Variants in TRAIP observed in about 807,000 individuals in gnomAD.
TRAIP encodes the protein TRAF interacting protein, also known as E3 ubiquitin-protein ligase TRAIP.
A neutral mutation model predicts 65.0 loss-of-function variants in TRAIP; 37 were observed. The observed-to-expected ratio is 0.57, with a 90% confidence interval of 0.44 to 0.75. TRAIP has a LOEUF of 0.75. TRAIP is among the 30% of genes least tolerant of loss of function. TRAIP has a pLI of 0.00. For missense variants in TRAIP, 481 were observed against 579.4 expected, an observed-to-expected ratio of 0.83 and a Z score of 1.74; for synonymous variants, 187 against 219.1, an observed-to-expected ratio of 0.85 and a Z score of 1.29.
rs2081968375 is a variant in TRAIP at position 49,856,261 on chromosome 3, T to G, written c.98+95A>C. 2.8e-6 allele frequency: 3 copies of G among 1,081,396 alleles called. No individual in the cohort carries two copies. In the South Asian group the frequency reaches 4.3e-5, roughly 16 times the overall value. The allele number at this position is 1,081,396 out of a possible 1,614,324, so 67.0% of individuals were successfully genotyped here. On this transcript the variant is annotated intron_variant, in intron 1 of 14. Coordinates refer to ENST00000331456, the MANE Select transcript of TRAIP (RefSeq NM_005879.3). ...AGGAGGAAGGTTCTCATCACTTGTC[T>G]GGATTCCGGGGTTGGACCGCCTGGA...
rs369216401 is a variant in TRAIP, at chr3:49,832,038, G to A, written c.915C>T (p.Leu305=). The A allele has an allele frequency of 6.2e-7, 1 of 1,600,720 alleles. No homozygotes were observed. Among genetic ancestry groups the A allele is most frequent in the Non-Finnish European group, 8.5e-7 (1 of 1,173,446 alleles). Residue 305 remains leucine (L), a synonymous_variant, in exon 11 of 15, where the codon CTC becomes CTT. Coordinates refer to ENST00000331456, the MANE Select transcript of TRAIP (RefSeq NM_005879.3). ...SPAPVEVNLK[L]RRPSFRDDID... ...TATCATCACGGAAGGATGGCCGGCGGAGCTTCAGATTCACCTCCACAGGGG... is the reference window on the plus strand; with the variant it reads ...TATCATCACGGAAGGATGGCCGGCGAAGCTTCAGATTCACCTCCACAGGGG...
chr3:49,840,567 C>T, intron 8 of TRAIP, 194 bp from the exon 9 acceptor site: 1 of 586,242 alleles, frequency 1.7e-6, no homozygotes, highest in Non-Finnish European at 3.0e-6. Context: ...AGGCTGCTTC[C>T]TACATCCTGC....
Position 49,856,505 on chromosome 3 carries a change from G to C in TRAIP, c.-52C>G. 6.5e-7 allele frequency: 1 copy of C among 1,536,756 alleles called. No homozygotes were observed. Among genetic ancestry groups the C allele is most frequent in the Non-Finnish European group, 8.9e-7 (1 of 1,124,224 alleles). On this transcript the variant is annotated 5_prime_UTR_variant, in exon 1 of 15. Transcript: ENST00000331456. Reference sequence around the variant, plus strand: ...AGCCAAAGAAACTGCTACAGGTCCGGCTTCGTAGACGCGCCCCCGCGCCTC... The same window carrying C: ...AGCCAAAGAAACTGCTACAGGTCCGCCTTCGTAGACGCGCCCCCGCGCCTC...
intron 10 of TRAIP, among the ~76,000 whole-genome samples, 196 bp from the exon 11 acceptor site, chr3:49,832,264 G>T (rs1458834568): frequency 6.6e-6 from 1 of 152,086 alleles, no homozygotes; most frequent in Non-Finnish European, 1.5e-5. Flanking sequence ...AGGCCAAGGC[G>T]GGTGGATCAA....
rs1575387564 is a variant in TRAIP, at chr3:49,829,032, A to C, written c.*71T>G. 1 of 1,607,764 alleles carries C rather than the reference A, an allele frequency of 6.2e-7. No homozygotes were observed. Among genetic ancestry groups the C allele is most frequent in the African/African-American group, 1.3e-5 (1 of 74,696 alleles). On this transcript the variant is annotated 3_prime_UTR_variant, in exon 15 of 15. Coordinates refer to ENST00000331456, the MANE Select transcript of TRAIP (RefSeq NM_005879.3). ...CCGAAAGTGGGGCTCTGTCCACAAA[A>C]CCCCTGCCTGGACAGTCCTTGACCT...
intron 5 of TRAIP, chr3:49,843,382 C>T: frequency 6.2e-6 from 1 of 161,828 alleles, no homozygotes; most frequent in Non-Finnish European, 1.4e-5. Flanking sequence ...AAGGCCCTTG[C>T]TCCTCCCTAG....
Position 49,843,859 on chromosome 3 carries a change from GT to G in TRAIP, c.349del (p.Thr117LeufsTer19). 6.2e-7 allele frequency: 1 copy of G among 1,613,986 alleles called. No homozygotes were observed. Among genetic ancestry groups the G allele is most frequent in the Middle Eastern group, 1.7e-4 (1 of 6,060 alleles). On this transcript the variant is annotated frameshift_variant, in exon 5 of 15. Coordinates refer to ENST00000331456, the MANE Select transcript of TRAIP (RefSeq NM_005879.3). LOFTEE classifies it high-confidence loss of function. Reference protein sequence around the residue: ...LRDTLEERNATVVSLQQALGK... With the variant: ...LRDTLEERNAXVVSLQQALGK... ...CAAGGCCTGCTGCAGAGATACCACAGTAGCATTGCGTTCTTCCAGCGTATCC... is the reference window on the plus strand; with the variant it reads ...CAAGGCCTGCTGCAGAGATACCACAGAGCATTGCGTTCTTCCAGCGTATCC...
At chr3:49,854,514 T>A (rs1377591128) in intron 1 of TRAIP, among the ~76,000 whole-genome samples, 1 of 152,050 alleles carries the variant, frequency 6.6e-6, no homozygotes, top group Non-Finnish European at 1.5e-5. Flanking sequence ...TAACCACTTA[T>A]AAATGGAAAT....
At chr3:49,845,938 A>C (rs1219078374) in intron 3 of TRAIP, among the ~76,000 whole-genome samples, 1 of 152,204 alleles carries the variant, frequency 6.6e-6, no homozygotes, top group Non-Finnish European at 1.5e-5. Flanking sequence ...GAGCCAAATG[A>C]ACTCTGATCT....
At chr3:49,844,014 A>AC in intron 4 of TRAIP, 86 bp from the exon 5 acceptor site, 1 of 1,515,110 alleles carries the variant, frequency 6.6e-7, no homozygotes, top group Non-Finnish European at 8.9e-7. Flanking sequence ...TCAGTGCCTC[A>AC]TCCCTTAGGC....
intron 3 of TRAIP, 102 bp downstream of exon 3, chr3:49,847,423 A>ACGCT: frequency 1.9e-6 from 1 of 531,848 alleles, no homozygotes; most frequent in Non-Finnish European, 3.4e-6. Flanking sequence ...AAGAGAAAAG[A>ACGCT]GAAGAGAAGA....
chr3:49,832,084 A>T lies in TRAIP; in HGVS notation c.885-16T>A. The stretch of plus-strand genomic sequence containing the variant: ...AGGGGCTGGGCTGAAGGCAGAGATG[A>T]CCTGGTTACTTGGGGCCACAGTGGT... On this transcript the variant is annotated splice_polypyrimidine_tract_variant and intron_variant, in intron 10 of 14. Coordinates refer to ENST00000331456, the MANE Select transcript of TRAIP (RefSeq NM_005879.3). The T allele has an allele frequency of 1.3e-6, 2 of 1,564,938 alleles. No homozygotes were observed. Among genetic ancestry groups the T allele is most frequent in the Non-Finnish European group, 8.7e-7 (1 of 1,154,770 alleles).
intron 14 of TRAIP, 85 bp downstream of exon 14, chr3:49,829,373 T>G: frequency 1.9e-6 from 3 of 1,612,268 alleles, no homozygotes; most frequent in Non-Finnish European, 2.5e-6. Context: ...CCTGAGGCTG[T>G]TGGCACTGGC....
chr3:49,834,959 T>C (rs564802657), intron 10 of TRAIP, among the ~76,000 whole-genome samples: 35 of 152,334 alleles, frequency 2.3e-4, no homozygotes, highest in African/African-American at 8.2e-4. Flanking sequence ...ACCAACAATT[T>C]GGGAGGCTGA....
chr3:49,840,219 C>T, intron 9 of TRAIP, 65 bp downstream of exon 9: 1 of 1,433,060 alleles, frequency 7.0e-7, no homozygotes, highest in Admixed American at 1.7e-5. Context: ...AGAGATAGCC[C>T]AGCCCTGCTC....
At chr3:49,844,039 G>C (rs1247624385) in intron 4 of TRAIP, 111 bp from the exon 5 acceptor site, 1 of 1,436,518 alleles carries the variant, frequency 7.0e-7, no homozygotes, top group African/African-American at 1.4e-5. Context: ...GAGAAACAAG[G>C]CTCAGGCCTG....
chr3:49,856,487 G>A lies in TRAIP; in HGVS notation c.-34C>T. On this transcript the variant is annotated 5_prime_UTR_variant, in exon 1 of 15. Transcript: ENST00000331456. Reference sequence around the variant, plus strand: ...GACTCAAGGGGCCCAGGCAGCCAAAGAAACTGCTACAGGTCCGGCTTCGTA... The same window carrying A: ...GACTCAAGGGGCCCAGGCAGCCAAAAAAACTGCTACAGGTCCGGCTTCGTA... 1.3e-6 allele frequency: 2 copies of A among 1,597,406 alleles called. No homozygotes were observed. The highest frequency in any genetic ancestry group is 1.7e-6 in the Non-Finnish European group (2 of 1,167,944).
intron 10 of TRAIP, among the ~76,000 whole-genome samples, chr3:49,833,775 G>T (rs780688060): frequency 6.6e-6 from 1 of 152,170 alleles, no homozygotes; most frequent in African/African-American, 2.4e-5. Flanking sequence ...CACCGCGCCC[G>T]GCCTTGTCTT....
In TRAIP at chr3:49,847,599, T is replaced by C. The variant is rs1318499901; in HGVS notation, c.166A>G (p.Arg56Gly). ...CPQCRIQVGK[R>G]TIINKLFFDL... ...AAGAAGAGCTTATTGATAATGGTTC[T>C]TTTGCCAACCTGGATGGGAGAACAA... Residue 56 changes from arginine to glycine, a missense_variant, in exon 3 of 15, where the codon AGA becomes GGA. Transcript: ENST00000331456. 20 of 1,608,994 alleles carry C rather than the reference T, an allele frequency of 1.2e-5. No homozygotes were observed. Among genetic ancestry groups the C allele is most frequent in the Non-Finnish European group, 1.6e-5 (19 of 1,178,452 alleles).
Sources: allele counts gnomAD v4.1 joint callset (sites outside exome capture counted in the v4.1 genomes callset), GRCh38; gene constraint gnomAD v4.1.1; transcripts MANE v1.5; gene names NCBI Gene and HGNC (gene_info 2026-07-23, HGNC 2026-07-21).